CDH10: variants seen among roughly 807,000 people sequenced by gnomAD.
CDH10 encodes cadherin 10, also known as cadherin-10.
A neutral mutation model predicts 73.1 loss-of-function variants in CDH10; 30 were observed. The observed-to-expected ratio is 0.41, with a 90% CI of 0.31 to 0.56. The LOEUF (loss-of-function observed/expected upper bound fraction) is 0.56. Among genes scored for constraint, CDH10 ranks in the 20% least tolerant of loss-of-function variants. The pLI, the probability that CDH10 is intolerant of heterozygous loss-of-function variation, is 0.27. For missense variants in CDH10, 815 were observed against 973.7 expected (o/e 0.84, Z 2.17); for synonymous variants, 345 against 348.2 (o/e 0.99, Z 0.10).
intron 1 of CDH10, 21 bp downstream of exon 1, chr5:24,644,573 A>C (rs1156747920): frequency 2.0e-5 from 3 of 151,990 alleles, no homozygotes; most frequent in Admixed American, 6.6e-5. Context: ...GAGTTAAAAG[A>C]AAGAGGTGAA....
chr5:24,528,027 G>A (rs1002462), intron 5 of CDH10, among the ~76,000 whole-genome samples: 70,096 of 151,424 alleles, frequency 0.46, 16,448 homozygotes, highest in East Asian at 0.58. Context: ...GTAGGGCTTC[G>A]GTCAATGTTT....
intron 2 of CDH10, among the ~76,000 whole-genome samples, chr5:24,578,052 C>G (rs1250190111): frequency 6.6e-6 from 1 of 152,142 alleles, no homozygotes; most frequent in African/African-American, 2.4e-5. Context: ...CCTCACCCCA[C>G]CACAGTGCTG....
intron 1 of CDH10, among the ~76,000 whole-genome samples, chr5:24,628,097 T>TA (rs958268689): frequency 2.1e-4 from 32 of 152,182 alleles, no homozygotes; most frequent in Admixed American, 3.9e-4. Context: ...CCAGGGGAAA[T>TA]AAAAACCACA....
chr5:24,544,717 T>C (rs531443890), intron 2 of CDH10, among the ~76,000 whole-genome samples: 1 of 152,286 alleles, frequency 6.6e-6, no homozygotes, highest in African/African-American at 2.4e-5. Context: ...GGAGCTCTCT[T>C]TGAAGTCAAC....
intron 2 of CDH10, among the ~76,000 whole-genome samples, chr5:24,549,636 C>A (rs1480814608): frequency 6.6e-6 from 1 of 151,334 alleles, no homozygotes; most frequent in Non-Finnish European, 1.5e-5. Flanking sequence ...ACTGCAACCT[C>A]CGCCTCCTGG....
At chr5:24,520,843 C>G (rs1227292957) in intron 5 of CDH10, among the ~76,000 whole-genome samples, 2 of 152,088 alleles carry the variant, frequency 1.3e-5, no homozygotes, top group Non-Finnish European at 2.9e-5. Flanking sequence ...TCTCCCATCT[C>G]AGTCTCCCAA....
intron 2 of CDH10, among the ~76,000 whole-genome samples, chr5:24,583,860 G>A (rs1422419587): frequency 6.6e-6 from 1 of 152,128 alleles, no homozygotes; most frequent in Non-Finnish European, 1.5e-5. Flanking sequence ...GGCCAGGCTG[G>A]TCTTGAACTC....
At chr5:24,600,023 G>A (rs1028427664) in intron 1 of CDH10, among the ~76,000 whole-genome samples, 7 of 151,922 alleles carry the variant, frequency 4.6e-5, no homozygotes, top group African/African-American at 1.7e-4. Context: ...TTTTCCTGAG[G>A]GCAGAAAGGG....
intron 2 of CDH10, among the ~76,000 whole-genome samples, chr5:24,575,007 T>G (rs1463642249): frequency 6.6e-6 from 1 of 152,016 alleles, no homozygotes. Flanking sequence ...TTCAGGTAAA[T>G]TTTTCATGGT....
At chr5:24,637,489 A>C (rs1747903120) in intron 1 of CDH10, among the ~76,000 whole-genome samples, 1 of 151,962 alleles carries the variant, frequency 6.6e-6, no homozygotes, top group Non-Finnish European at 1.5e-5. Flanking sequence ...TATTACATTT[A>C]ATTATAAATA....
At chr5:24,535,932 A>G in intron 3 of CDH10, 110 bp from the exon 4 acceptor site, 1 of 653,162 alleles carries the variant, frequency 1.5e-6, no homozygotes. Flanking sequence ...TGACCTCTTA[A>G]AGAAACTTTC....
intron 5 of CDH10, among the ~76,000 whole-genome samples, chr5:24,516,698 G>A (rs1022507383): frequency 1.3e-5 from 2 of 151,142 alleles, no homozygotes; most frequent in African/African-American, 4.9e-5. Context: ...ATTTTTTTAG[G>A]TTGGCTCTGG....
intron 1 of CDH10, among the ~76,000 whole-genome samples, chr5:24,627,354 T>G (rs187311275): frequency 6.6e-6 from 1 of 152,188 alleles, no homozygotes; most frequent in East Asian, 1.9e-4. Flanking sequence ...AAATCCTACT[T>G]AATTTTAGGG....
At chr5:24,527,030 G>A (rs567471208) in intron 5 of CDH10, among the ~76,000 whole-genome samples, 8 of 151,106 alleles carry the variant, frequency 5.3e-5, no homozygotes, top group Non-Finnish European at 1.0e-4. Flanking sequence ...ATTCATTTTA[G>A]AAGTAGTTTT....
intron 1 of CDH10, among the ~76,000 whole-genome samples, chr5:24,627,420 T>TA (rs1355667464): frequency 2.0e-5 from 3 of 152,124 alleles, no homozygotes; most frequent in Non-Finnish European, 4.4e-5. Flanking sequence ...AGAAATTTTA[T>TA]AAAAAGAAAA....
At chr5:24,595,447 C>A (rs1364268886) in intron 1 of CDH10, among the ~76,000 whole-genome samples, 1 of 151,888 alleles carries the variant, frequency 6.6e-6, no homozygotes, top group Non-Finnish European at 1.5e-5. Flanking sequence ...AGACGTACAG[C>A]ATGATAGATG....
At chr5:24,536,047 CAATA>C (rs1365586401) in intron 3 of CDH10, among the ~76,000 whole-genome samples, 2 of 151,972 alleles carry the variant, frequency 1.3e-5, no homozygotes, top group Non-Finnish European at 2.9e-5. Context: ...TTTATGCATG[CAATA>C]AATAATTCTA....
chr5:24,621,472 C>A (rs1256393540), intron 1 of CDH10, among the ~76,000 whole-genome samples: 2 of 152,110 alleles, frequency 1.3e-5, no homozygotes, highest in African/African-American at 4.8e-5. Context: ...TCACTGTCAG[C>A]AAGAAGCTTG....
At chr5:24,544,533 G>A (rs1482114968) in intron 2 of CDH10, among the ~76,000 whole-genome samples, 5 of 152,174 alleles carry the variant, frequency 3.3e-5, no homozygotes, top group Admixed American at 2.0e-4. Flanking sequence ...ACATTTGACA[G>A]GGTTCCCCAG....
Sources: allele counts gnomAD v4.1 joint callset (sites outside exome capture counted in the v4.1 genomes callset), GRCh38; gene constraint gnomAD v4.1.1; transcripts MANE v1.5; gene names NCBI Gene and HGNC (gene_info 2026-07-23, HGNC 2026-07-21).